The following MFHAS1 variants were observed in gnomAD, a reference collection of about 807,000 sequenced individuals.
The protein encoded by MFHAS1 is malignant fibrous histiocytoma-amplified sequence 1.
Under a neutral mutation model 70.4 loss-of-function variants are expected in MFHAS1, and 50 were observed. The ratio of observed to expected loss-of-function variants is 0.71; its 90% CI spans 0.57 to 0.90. The LOEUF is 0.90. Among genes scored for constraint, MFHAS1 ranks in the 40% least tolerant of loss-of-function variants. The probability of loss-of-function intolerance (pLI) is 0.00; values close to 1 mark genes in which losing one functional copy is unlikely to be tolerated. For synonymous variants in MFHAS1, 952 were observed against 620.0 expected, an observed-to-expected ratio of 1.54 and a Z score of -7.96; for missense variants, 1,795 against 1,347.6, an observed-to-expected ratio of 1.33 and a Z score of -5.20.
At chr8:8,861,791 T>C (rs1356529037) in intron 1 of MFHAS1, among the ~76,000 whole-genome samples, 1 of 152,194 alleles carries the variant, frequency 6.6e-6, no homozygotes, top group Non-Finnish European at 1.5e-5. Flanking sequence ...AGTTTTGCCT[T>C]TTCTAGAACT....
chr8:8,879,843 C>T (rs1809443678), intron 1 of MFHAS1, among the ~76,000 whole-genome samples: 2 of 152,308 alleles, frequency 1.3e-5, no homozygotes, highest in African/African-American at 2.4e-5. Context: ...TGATTGACGA[C>T]ACTTATCTAA....
intron 1 of MFHAS1, among the ~76,000 whole-genome samples, chr8:8,870,623 C>G (rs955269454): frequency 5.9e-5 from 9 of 152,284 alleles, no homozygotes; most frequent in Admixed American, 5.9e-4. Flanking sequence ...CTGGAGACCT[C>G]CCATCCATCT....
intron 1 of MFHAS1, among the ~76,000 whole-genome samples, chr8:8,824,520 TTCACA>T (rs1563190845): frequency 1.1e-4 from 6 of 56,648 alleles, no homozygotes; most frequent in African/African-American, 5.2e-4. Context: ...TTCTCTCTCT[TTCACA>T]CACACACACA....
At chr8:8,804,486 C>G (rs1303085491) in intron 1 of MFHAS1, among the ~76,000 whole-genome samples, 1 of 152,250 alleles carries the variant, frequency 6.6e-6, no homozygotes, top group Non-Finnish European at 1.5e-5. Flanking sequence ...GAAGTCTTAG[C>G]AGTCACAGAG....
chr8:8,838,844 C>T (rs541797418), intron 1 of MFHAS1, among the ~76,000 whole-genome samples: 2 of 151,672 alleles, frequency 1.3e-5, no homozygotes, highest in African/African-American at 2.4e-5. Flanking sequence ...TACCTTCAAG[C>T]TTCTCTTCTC....
chr8:8,876,723 G>T (rs759801376), intron 1 of MFHAS1, among the ~76,000 whole-genome samples: 3 of 151,886 alleles, frequency 2.0e-5, no homozygotes, highest in Non-Finnish European at 4.4e-5. Context: ...AGAGCATAAG[G>T]TGTTCATATG....
chr8:8,809,921 G>A lies in MFHAS1; in HGVS notation c.2999-12430C>T, dbSNP rs78766397. The stretch of plus-strand genomic sequence containing the variant: ...GCAGACGGCATAAAAGCATTCAGAC[G>A]ACAACGTTCTCTCCCCAACATTCAT... On this transcript the variant is annotated intron_variant, in intron 1 of 2. Coordinates refer to ENST00000276282, the MANE Select transcript of MFHAS1 (RefSeq NM_004225.3). 3.2e-3 allele frequency among the ~76,000 whole-genome samples: 490 copies of A among 152,298 alleles called. 4 individuals are homozygous for A. Among genetic ancestry groups the A allele is most frequent in the African/African-American group, 0.011 (466 of 41,562 alleles).
chr8:8,806,907 G>A (rs1195581236), intron 1 of MFHAS1, among the ~76,000 whole-genome samples: 2 of 152,026 alleles, frequency 1.3e-5, no homozygotes, highest in Non-Finnish European at 2.9e-5. Flanking sequence ...GTTGCAGAGA[G>A]CCGAGATTGT....
rs184706676 is a variant in MFHAS1 at position 8,865,262 on chromosome 8, G to T, written c.2998+24799C>A. Reference sequence around the variant, plus strand: ...ACTGCACTCAACCCTGGATGACAGAGTGAGACTCCATCTCAAAAAAAAAAA... The same window carrying T: ...ACTGCACTCAACCCTGGATGACAGATTGAGACTCCATCTCAAAAAAAAAAA... On this transcript the variant is annotated intron_variant, in intron 1 of 2. Coordinates refer to ENST00000276282, the MANE Select transcript of MFHAS1 (RefSeq NM_004225.3). Among the ~76,000 whole-genome samples the T allele has an allele frequency of 7.2e-4, 88 of 122,950 alleles. 1 individual carries two copies. Among genetic ancestry groups the T allele is most frequent in the Non-Finnish European group, 8.1e-5 (5 of 61,946 alleles). The allele number at this position is 122,950 out of a possible 152,430, so 80.7% of individuals were successfully genotyped here. A position where few individuals can be genotyped will look rare whatever the true frequency, so the allele number is the denominator to read the frequency against.
chr8:8,887,236 C>G (rs1563221541), intron 1 of MFHAS1, among the ~76,000 whole-genome samples: 1 of 152,168 alleles, frequency 6.6e-6, no homozygotes, highest in Non-Finnish European at 1.5e-5. Context: ...TTCAATGAAT[C>G]TATTTTTAAT....
intron 1 of MFHAS1, among the ~76,000 whole-genome samples, chr8:8,815,321 G>C (rs944988222): frequency 6.6e-6 from 1 of 152,146 alleles, no homozygotes; most frequent in Non-Finnish European, 1.5e-5. Context: ...GTGCTGCGAT[G>C]AACATACACA....
intron 1 of MFHAS1, among the ~76,000 whole-genome samples, chr8:8,842,051 C>A: frequency 6.6e-6 from 1 of 152,188 alleles, no homozygotes; most frequent in East Asian, 1.9e-4. Flanking sequence ...AGGCTGAGTG[C>A]CAACAAGGCT....
chr8:8,791,649 C>G (rs890941818), intron 2 of MFHAS1, among the ~76,000 whole-genome samples: 3 of 152,172 alleles, frequency 2.0e-5, no homozygotes, highest in Non-Finnish European at 2.9e-5. Context: ...TGGACAGAGA[C>G]AGGAATTCAC....
chr8:8,797,518 T>C (rs1190742932), intron 1 of MFHAS1, 27 bp from the exon 2 acceptor site: 8 of 1,603,388 alleles, frequency 5.0e-6, no homozygotes, highest in Non-Finnish European at 6.8e-6. Context: ...AAAAACGTGT[T>C]AGGGAGATGT....
chr8:8,801,012 G>C (rs995194362), intron 1 of MFHAS1, among the ~76,000 whole-genome samples: 22 of 152,160 alleles, frequency 1.4e-4, no homozygotes, highest in African/African-American at 5.1e-4. Flanking sequence ...TCCGGACATC[G>C]AGACTATCCT....
At chr8:8,834,136 A>C (rs1807512683) in intron 1 of MFHAS1, among the ~76,000 whole-genome samples, 1 of 151,852 alleles carries the variant, frequency 6.6e-6, no homozygotes, top group Non-Finnish European at 1.5e-5. Context: ...AAAAAACAAA[A>C]AAAACAAAAC....
At chr8:8,879,972 C>A (rs1353220384) in intron 1 of MFHAS1, among the ~76,000 whole-genome samples, 2 of 152,216 alleles carry the variant, frequency 1.3e-5, no homozygotes, top group Admixed American at 1.3e-4. Flanking sequence ...TAAAAAAAAG[C>A]TCTATGCAGA....
chr8:8,873,672 G>C (rs766725394), intron 1 of MFHAS1, among the ~76,000 whole-genome samples: 110 of 152,036 alleles, frequency 7.2e-4, no homozygotes, highest in Non-Finnish European at 1.2e-3. Context: ...AAAATACAAC[G>C]GTGTGGAACT....
At chr8:8,887,472 T>G (rs1424624045) in intron 1 of MFHAS1, among the ~76,000 whole-genome samples, 1 of 151,506 alleles carries the variant, frequency 6.6e-6, no homozygotes, top group Non-Finnish European at 1.5e-5. Flanking sequence ...TCTGCTACTT[T>G]TGAAAAACAA....
Sources: allele counts gnomAD v4.1 joint callset (sites outside exome capture counted in the v4.1 genomes callset), GRCh38; gene constraint gnomAD v4.1.1; transcripts MANE v1.5; gene names NCBI Gene and HGNC (gene_info 2026-07-23, HGNC 2026-07-21).